Variants in SUGCT observed in about 807,000 individuals in gnomAD.
The protein encoded by SUGCT is succinyl-CoA:glutarate-CoA transferase.
A neutral mutation model predicts 55.0 loss-of-function variants in SUGCT; 41 were observed. The ratio of observed to expected loss-of-function variants is 0.74; its 90% confidence interval spans 0.58 to 0.97. The LOEUF (loss-of-function observed/expected upper bound fraction) is 0.97. Ranked by LOEUF, SUGCT falls within the 50% of genes least tolerant of loss-of-function variation. The pLI is 0.00. For missense variants in SUGCT, 568 were observed against 547.8 expected, an observed-to-expected ratio of 1.04 and a Z score of -0.37; for synonymous variants, 187 against 200.4, an observed-to-expected ratio of 0.93 and a Z score of 0.56.
intron 9 of SUGCT, among the ~76,000 whole-genome samples, chr7:40,423,080 T>C (rs1787398195): frequency 6.6e-6 from 1 of 152,128 alleles, no homozygotes; most frequent in Non-Finnish European, 1.5e-5. Flanking sequence ...AGAGGTTAAA[T>C]AGCTTGCCTG....
intron 9 of SUGCT, among the ~76,000 whole-genome samples, chr7:40,370,112 G>A (rs1191217225): frequency 3.3e-5 from 5 of 152,176 alleles, no homozygotes; most frequent in African/African-American, 9.6e-5. Flanking sequence ...GTGGGAATGT[G>A]TATTTTGATC....
intron 11 of SUGCT, among the ~76,000 whole-genome samples, chr7:40,468,683 A>C (rs1246222017): frequency 6.9e-6 from 1 of 145,590 alleles, no homozygotes; most frequent in African/African-American, 2.5e-5. Flanking sequence ...CCTTACACAT[A>C]GTTTGCTGAT....
chr7:40,921,270 G>C, the SUGCT span, among the ~76,000 whole-genome samples: 2 of 151,950 alleles, frequency 1.3e-5, no homozygotes, highest in South Asian at 2.1e-4. Flanking sequence ...ATTTGGAAGC[G>C]AGGTGAATAA....
chr7:40,289,341 A>G lies in SUGCT; in HGVS notation c.720+14685A>G, dbSNP rs186136923. 3.9e-3 allele frequency among the ~76,000 whole-genome samples: 599 copies of G among 152,326 alleles called. 1 individual carries two copies. Among genetic ancestry groups the G allele is most frequent in the African/African-American group, 0.014 (573 of 41,562 alleles). ...ATGCTTGAAACCATGGTTAGTACCA[A>G]ACCCTATAAATACTGTGTTTTTTTC... On this transcript the variant is annotated intron_variant, in intron 8 of 13. Transcript: ENST00000335693.
At chr7:40,542,929 A>T (rs1289789507) in intron 12 of SUGCT, among the ~76,000 whole-genome samples, 3 of 152,186 alleles carry the variant, frequency 2.0e-5, no homozygotes, top group African/African-American at 7.2e-5. Flanking sequence ...AATGTCAGAC[A>T]TGTCTTTCTG....
intron 9 of SUGCT, among the ~76,000 whole-genome samples, chr7:40,446,388 A>T (rs77454752): frequency 0.017 from 2,529 of 152,212 alleles, 59 homozygotes; most frequent in African/African-American, 0.057. Flanking sequence ...GTAACTTCAC[A>T]GTTGTCAATG....
intron 13 of SUGCT, among the ~76,000 whole-genome samples, chr7:40,771,270 A>G (rs1020642466): frequency 1.3e-5 from 2 of 152,126 alleles, no homozygotes; most frequent in Non-Finnish European, 2.9e-5. Context: ...GTGTAGTTTA[A>G]TCTATTAAAA....
At chr7:40,465,483 G>T (rs958226250) in intron 11 of SUGCT, among the ~76,000 whole-genome samples, 3 of 151,986 alleles carry the variant, frequency 2.0e-5, no homozygotes, top group Non-Finnish European at 4.4e-5. Flanking sequence ...GGTGGCACAC[G>T]CCTGTAATCC....
At chr7:40,241,578 C>CAAA (rs111742538) in intron 7 of SUGCT, among the ~76,000 whole-genome samples, 1 of 75,110 alleles carries the variant, frequency 1.3e-5, no homozygotes, top group Non-Finnish European at 2.8e-5. Flanking sequence ...GACTCTGTCT[C>CAAA]AAAAAAAAAA....
chr7:40,273,254 C>T (rs1480035767), intron 7 of SUGCT, among the ~76,000 whole-genome samples: 2 of 152,118 alleles, frequency 1.3e-5, no homozygotes, highest in African/African-American at 4.8e-5. Context: ...TATACCGTCT[C>T]AGTTACTTGC....
At chr7:40,926,934 T>C in the SUGCT span, among the ~76,000 whole-genome samples, 1 of 152,208 alleles carries the variant, frequency 6.6e-6, no homozygotes, top group African/African-American at 2.4e-5. Context: ...TGAAGACTGA[T>C]TCATTTAATA....
In SUGCT at chr7:40,449,378, A is replaced by T. The variant is rs764092731; in HGVS notation, c.888+20A>T. On this transcript the variant is annotated intron_variant, in intron 10 of 13. Coordinates refer to ENST00000335693, the MANE Select transcript of SUGCT (RefSeq NM_001193313.2). ...TGCAAGGTAATCTATAATTATTGGGATTGGTCGATGATTTTGTACAAAGCC... is the reference window on the plus strand; with the variant it reads ...TGCAAGGTAATCTATAATTATTGGGTTTGGTCGATGATTTTGTACAAAGCC... 1.9e-6 allele frequency: 3 copies of T among 1,583,654 alleles called. No homozygotes were observed. Among genetic ancestry groups the T allele is most frequent in the Admixed American group, 3.4e-5 (2 of 58,940 alleles).
chr7:40,384,493 GT>G (rs1344897244), intron 9 of SUGCT, among the ~76,000 whole-genome samples: 1 of 152,008 alleles, frequency 6.6e-6, no homozygotes, highest in Non-Finnish European at 1.5e-5. Context: ...TTATCATCCA[GT>G]AGTTGACAAG....
chr7:40,348,206 G>A (rs1370767350), intron 9 of SUGCT, among the ~76,000 whole-genome samples: 1 of 152,240 alleles, frequency 6.6e-6, no homozygotes, highest in Non-Finnish European at 1.5e-5. Context: ...GTCTGGGCTT[G>A]TTGCAAACTG....
At chr7:40,634,081 G>A (rs924330762) in intron 12 of SUGCT, among the ~76,000 whole-genome samples, 20 of 152,184 alleles carry the variant, frequency 1.3e-4, no homozygotes, top group East Asian at 3.9e-4. Context: ...GTGAGTACAC[G>A]TGGAACACAA....
intron 12 of SUGCT, among the ~76,000 whole-genome samples, chr7:40,648,243 C>T (rs1285667828): frequency 6.6e-6 from 1 of 152,050 alleles, no homozygotes; most frequent in African/African-American, 2.4e-5. Context: ...AATTAGCAGT[C>T]ATTATATCTT....
chr7:40,496,110 A>C (rs1791956655), intron 11 of SUGCT, among the ~76,000 whole-genome samples, 174 bp from the exon 12 acceptor site: 1 of 152,252 alleles, frequency 6.6e-6, no homozygotes, highest in Non-Finnish European at 1.5e-5. Context: ...CTTATCCACC[A>C]CAGGGCCACT....
At chr7:40,139,960 T>C (rs1165223405) in intron 1 of SUGCT, among the ~76,000 whole-genome samples, 1 of 152,010 alleles carries the variant, frequency 6.6e-6, no homozygotes, top group African/African-American at 2.4e-5. Context: ...TGGAGTGCAA[T>C]GGCGCGATCT....
chr7:40,236,066 A>G (rs1788989882), intron 6 of SUGCT, among the ~76,000 whole-genome samples: 1 of 151,760 alleles, frequency 6.6e-6, no homozygotes, highest in Admixed American at 6.6e-5. Flanking sequence ...TATTTTTGTT[A>G]TTATTTTTTG....
Sources: allele counts gnomAD v4.1 joint callset (sites outside exome capture counted in the v4.1 genomes callset), GRCh38; gene constraint gnomAD v4.1.1; transcripts MANE v1.5; gene names NCBI Gene and HGNC (gene_info 2026-07-23, HGNC 2026-07-21).